RBM20: variants seen among roughly 807,000 people sequenced by gnomAD.
The protein encoded by RBM20 is RNA binding motif protein 20, also known as RNA-binding protein 20.
RBM20 carries 51 observed loss-of-function variants against 110.1 expected under a neutral mutation model. That is an observed-to-expected ratio of 0.46 (90% CI 0.37 to 0.59). RBM20 has a LOEUF of 0.59. Ranked by LOEUF, RBM20 falls within the 20% of genes least tolerant of loss-of-function variation. The pLI is 0.00. For synonymous variants in RBM20, 589 were observed against 618.2 expected, an observed-to-expected ratio of 0.95 and a Z score of 0.70; for missense variants, 1,512 against 1,574.9, an observed-to-expected ratio of 0.96 and a Z score of 0.68.
At chr10:110,759,404 C>T (rs1843965905) in intron 1 of RBM20, among the ~76,000 whole-genome samples, 1 of 152,108 alleles carries the variant, frequency 6.6e-6, no homozygotes, top group African/African-American at 2.4e-5. Flanking sequence ...GAGAGAATTT[C>T]ACCTTGAATT....
At chr10:110,763,928 C>T (rs1342159233) in intron 1 of RBM20, among the ~76,000 whole-genome samples, 1 of 152,014 alleles carries the variant, frequency 6.6e-6, no homozygotes. Context: ...TGGTCTCTGC[C>T]CAGTAGATGC....
intron 7 of RBM20, among the ~76,000 whole-genome samples, chr10:110,806,989 G>A (rs1458060423): frequency 6.6e-6 from 1 of 152,184 alleles, no homozygotes; most frequent in South Asian, 2.1e-4. Context: ...GCTGGCAGCT[G>A]GTCCAGAGAG....
intron 1 of RBM20, among the ~76,000 whole-genome samples, chr10:110,742,206 G>A (rs748294040): frequency 2.6e-5 from 4 of 152,000 alleles, no homozygotes; most frequent in Non-Finnish European, 5.9e-5. Context: ...TCTCCAGCCT[G>A]ACTTTTCTAT....
intron 1 of RBM20, among the ~76,000 whole-genome samples, chr10:110,678,556 G>T (rs946777465): frequency 5.9e-5 from 9 of 152,216 alleles, no homozygotes; most frequent in African/African-American, 2.2e-4. Flanking sequence ...GTTTTGGAAA[G>T]CACTCTTGAG....
intron 3 of RBM20, 130 bp downstream of exon 3, chr10:110,783,557 C>A: frequency 1.6e-6 from 1 of 636,924 alleles, no homozygotes; most frequent in Non-Finnish European, 2.7e-6. Flanking sequence ...AGTTCCTGCC[C>A]TCAAGGAGCT....
chr10:110,767,398 A>C (rs1590664894), intron 1 of RBM20, among the ~76,000 whole-genome samples: 1 of 137,314 alleles, frequency 7.3e-6, no homozygotes. Flanking sequence ...GCTGACCCCC[A>C]CCTCCCTCCC....
upstream of RBM20, among the ~76,000 whole-genome samples, chr10:110,643,574 T>TA (rs1861818701): frequency 6.6e-6 from 1 of 152,180 alleles, no homozygotes; most frequent in Non-Finnish European, 1.5e-5. Context: ...GGCCAATAAA[T>TA]AACAAGAATA....
chr10:110,779,743 A>G (rs1844312577), intron 1 of RBM20, among the ~76,000 whole-genome samples: 1 of 152,194 alleles, frequency 6.6e-6, no homozygotes. Context: ...GTGTGTGGAG[A>G]AAACCTCCCA....
intron 1 of RBM20, among the ~76,000 whole-genome samples, chr10:110,725,041 T>C (rs1020112530): frequency 5.3e-5 from 8 of 152,206 alleles, no homozygotes; most frequent in Non-Finnish European, 2.9e-5. Flanking sequence ...CTGAGCTCTA[T>C]TAAGCAAGTG....
At chr10:110,649,200 C>T (rs1484349832) in intron 1 of RBM20, among the ~76,000 whole-genome samples, 1 of 152,006 alleles carries the variant, frequency 6.6e-6, no homozygotes, top group Non-Finnish European at 1.5e-5. Flanking sequence ...TGAAATGATT[C>T]CACATTATCC....
chr10:110,705,076 T>A (rs1420435972), intron 1 of RBM20, among the ~76,000 whole-genome samples: 1 of 152,240 alleles, frequency 6.6e-6, no homozygotes, highest in Non-Finnish European at 1.5e-5. Context: ...CTCACCATTG[T>A]GAACAAAAAG....
intron 1 of RBM20, among the ~76,000 whole-genome samples, chr10:110,741,703 A>T (rs1843727087): frequency 6.6e-6 from 1 of 152,096 alleles, no homozygotes; most frequent in Admixed American, 6.5e-5. Flanking sequence ...GTAGCTATGT[A>T]CCTGAGGGCT....
chr10:110,753,066 G>A (rs1467710114), intron 1 of RBM20, among the ~76,000 whole-genome samples: 1 of 151,054 alleles, frequency 6.6e-6, no homozygotes, highest in Non-Finnish European at 1.5e-5. Flanking sequence ...AGCCCCCTGA[G>A]TAGCTGGGAT....
At chr10:110,647,671 A>C (rs1861887133) in intron 1 of RBM20, among the ~76,000 whole-genome samples, 1 of 152,176 alleles carries the variant, frequency 6.6e-6, no homozygotes, top group Non-Finnish European at 1.5e-5. Context: ...GAAAACATTG[A>C]CATTCTGGTG....
intron 1 of RBM20, among the ~76,000 whole-genome samples, chr10:110,660,115 G>A (rs1225634862): frequency 1.3e-5 from 2 of 152,000 alleles, no homozygotes; most frequent in Non-Finnish European, 1.5e-5. Context: ...ACCATGCTTG[G>A]CCTCAAGCAA....
intron 1 of RBM20, among the ~76,000 whole-genome samples, chr10:110,732,825 C>T (rs1843633094): frequency 6.6e-6 from 1 of 152,166 alleles, no homozygotes; most frequent in African/African-American, 2.4e-5. Flanking sequence ...GTGTTGACCT[C>T]TGGAACCATC....
intron 1 of RBM20, among the ~76,000 whole-genome samples, chr10:110,709,060 C>T (rs1862884268): frequency 7.9e-6 from 1 of 126,834 alleles, no homozygotes; most frequent in South Asian, 2.3e-4. Flanking sequence ...AAATGTTCTC[C>T]TCACCTCATC....
intron 1 of RBM20, among the ~76,000 whole-genome samples, chr10:110,750,179 CA>C (rs1223628415): frequency 6.6e-6 from 1 of 152,166 alleles, no homozygotes; most frequent in African/African-American, 2.4e-5. Flanking sequence ...GGTGGGGACA[CA>C]AGGGCTTGTT....
At chr10:110,796,371 T>C (rs1844550797) in intron 5 of RBM20, among the ~76,000 whole-genome samples, 1 of 152,258 alleles carries the variant, frequency 6.6e-6, no homozygotes, top group Admixed American at 6.5e-5. Flanking sequence ...TTCCAATAAT[T>C]ATCAAAATTT....
Sources: gnomAD v4.1 joint callset for allele counts (sites outside exome capture counted in the v4.1 genomes callset) on GRCh38, gnomAD v4.1.1 for gene constraint, MANE v1.5 for transcripts, NCBI Gene and HGNC (gene_info 2026-07-23, HGNC 2026-07-21) for gene names.